Variants in AGRN observed in about 807,000 individuals in gnomAD.
AGRN encodes agrin proteoglycan.
In AGRN, 106 loss-of-function variants were observed where a neutral mutation model predicts 211.0. That is an observed-to-expected ratio of 0.50 (90% confidence interval 0.43 to 0.59). The LOEUF is 0.59. Among genes scored for constraint, AGRN ranks in the 20% least tolerant of loss-of-function variants. The pLI is 0.00. For synonymous variants in AGRN, 1,525 were observed against 1,332.5 expected, an observed-to-expected ratio of 1.14 and a Z score of -3.15; for missense variants, 3,040 against 2,982.6, an observed-to-expected ratio of 1.02 and a Z score of -0.45.
At chr1:1,043,181 C>T in intron 7 of AGRN, 58 bp from the exon 8 acceptor site, 1 of 1,541,740 alleles carries the variant, frequency 6.5e-7, no homozygotes, top group Non-Finnish European at 8.8e-7. Flanking sequence ...GGGCTGGGGG[C>T]TTTGCCTGCA....
chr1:1,043,735 G>C lies in AGRN; in HGVS notation c.1798+3G>C, dbSNP rs901890073. On this transcript the variant is annotated splice_donor_region_variant and intron_variant, in intron 9 of 35. Coordinates refer to ENST00000379370, the MANE Select transcript of AGRN (RefSeq NM_198576.4). ...CGTGGCCTCAGCTGGACCCTGTGGT[G>C]AGTGAGGCCCTGGGGCCGGGCGGGC... 2.0e-5 allele frequency: 32 copies of C among 1,601,330 alleles called. No individual in the cohort carries two copies. Among genetic ancestry groups the C allele is most frequent in the Non-Finnish European group, 2.7e-5 (32 of 1,179,772 alleles).
In AGRN at chr1:1,055,155, G is replaced by A; in HGVS notation, c.*174G>A. On this transcript the variant is annotated 3_prime_UTR_variant, in exon 36 of 36. Coordinates refer to ENST00000379370, the MANE Select transcript of AGRN (RefSeq NM_198576.4). The stretch of plus-strand genomic sequence containing the variant: ...CTAGTGCCGAGGGATGGACAGGCGA[G>A]GTGGCAGCGTGGAGGGCTCGGCGTG... 1.8e-6 allele frequency: 2 copies of A among 1,083,766 alleles called. No homozygotes were observed. Among genetic ancestry groups the A allele is most frequent in the Non-Finnish European group, 1.3e-6 (1 of 751,196 alleles). 67.1% of individuals were successfully genotyped at this position (1,083,766 alleles called of 1,614,324 possible). A position where few individuals can be genotyped will look rare whatever the true frequency, so the allele number is the denominator to read the frequency against.
In AGRN at chr1:1,054,955, G is replaced by T; in HGVS notation, c.6112G>T (p.Glu2038Ter). Residue 2038 changes from glutamate to a stop codon, truncating the protein, a stop_gained, in exon 36 of 36, where the codon GAG (glutamate) becomes TAG (stop). Coordinates refer to ENST00000379370, the MANE Select transcript of AGRN (RefSeq NM_198576.4). LOFTEE classifies it high-confidence loss of function. ...GCTGGAGGACGCCGTCACCAAGCCAGAGCTGCGGCCCTGCCCCACCCCATG... is the reference window on the plus strand; with the variant it reads ...GCTGGAGGACGCCGTCACCAAGCCATAGCTGCGGCCCTGCCCCACCCCATG... The part of the protein sequence containing the change: ...HLLEDAVTKP[E>*]LRPCPTP The T allele has an allele frequency of 6.5e-7, 1 of 1,549,070 alleles. No individual in the cohort carries two copies. Among genetic ancestry groups the T allele is most frequent in the Non-Finnish European group, 8.7e-7 (1 of 1,147,138 alleles).
intron 2 of AGRN, among the ~76,000 whole-genome samples, chr1:1,027,146 C>G (rs115263399): frequency 0.016 from 2,392 of 152,340 alleles, 54 homozygotes; most frequent in African/African-American, 0.055. Flanking sequence ...CTCCTGCAGT[C>G]CCCCCACGGA....
intron 33 of AGRN, chr1:1,053,476 T>G: frequency 2.0e-6 from 3 of 1,490,116 alleles, no homozygotes; most frequent in Non-Finnish European, 1.8e-6. Flanking sequence ...AAACTCTGGA[T>G]TCCGGGGCCC....
rs567124206 is a variant in AGRN, at chr1:1,028,444, G to A, written c.463+5982G>A. On this transcript the variant is annotated intron_variant, in intron 2 of 35. Transcript: ENST00000379370. The stretch of plus-strand genomic sequence containing the variant: ...GCGTTTGGGTGGACCGGAAGTCAGC[G>A]TCTGCATTCGAGCCTGTGTGCGGTG... 1.4e-3 allele frequency among the ~76,000 whole-genome samples: 209 copies of A among 152,068 alleles called. 1 individual carries two copies. Among genetic ancestry groups the A allele is most frequent in the African/African-American group, 4.9e-3 (203 of 41,462 alleles).
chr1:1,044,164 G>A lies in AGRN; in HGVS notation c.2055G>A (p.Glu685=). The A allele has an allele frequency of 6.2e-7, 1 of 1,613,296 alleles. No individual in the cohort carries two copies. Among genetic ancestry groups the A allele is most frequent in the African/African-American group, 1.3e-5 (1 of 75,040 alleles). The change falls in exon 11 of 36, where the codon GAG becomes GAA. Residue 685 remains glutamate (E), a synonymous_variant. Transcript: ENST00000379370. ...GSGEDGDCEQ[E]LCRQRGGIWD... ...GGGAGGACGGTGACTGTGAGCAGGA[G>A]CTGTGCCGGCAGCGCGGTGGCATCT... is the stretch of plus-strand genomic sequence containing the variant.
rs200116641 is a variant in AGRN at position 1,031,087 on chromosome 1, TTGTGTG to T, written c.464-4179_464-4174del. 1.1e-4 allele frequency among the ~76,000 whole-genome samples: 7 copies of T among 64,512 alleles called. No individual in the cohort carries two copies. In the South Asian group the frequency reaches 3.4e-3, roughly 31 times the overall value. 42.3% of individuals were successfully genotyped at this position (64,512 alleles called of 152,430 possible). On this transcript the variant is annotated intron_variant, in intron 2 of 35. Transcript: ENST00000379370. This position sits in a 1 kb window ranked among gnomAD's most constrained non-coding sequence, Gnocchi z 4.8. ...GCAGTGCATGGTGCTGTGAGTGTGATTGTGTGTGTGTGTGTGCGGTGCATGGTGCTG... is the reference window on the plus strand; with the variant it reads ...GCAGTGCATGGTGCTGTGAGTGTGATTGTGTGTGTGCGGTGCATGGTGCTG...
intron 2 of AGRN, among the ~76,000 whole-genome samples, chr1:1,023,168 G>A (rs895344943): frequency 1.3e-5 from 2 of 152,208 alleles, no homozygotes; most frequent in South Asian, 2.1e-4. Flanking sequence ...GTGTCGGTGG[G>A]GGGGTCTGGA....
rs999985035 is a variant in AGRN at position 1,050,720 on chromosome 1, C to T, written c.5142-6C>T. ...AGAGCCCACTCACGCTGCCCCTCCT[C>T]ACCAGGAGCAGGGAGCCAGTCACCC... On this transcript the variant is annotated splice_region_variant and splice_polypyrimidine_tract_variant and intron_variant, in intron 29 of 35. Coordinates refer to ENST00000379370, the MANE Select transcript of AGRN (RefSeq NM_198576.4). The T allele has an allele frequency of 6.2e-7, 1 of 1,600,982 alleles. No individual in the cohort carries two copies. Among genetic ancestry groups the T allele is most frequent in the African/African-American group, 1.3e-5 (1 of 74,838 alleles).
intron 15 of AGRN, 27 bp from the exon 16 acceptor site, chr1:1,045,937 C>G: frequency 6.2e-7 from 1 of 1,612,614 alleles, no homozygotes; most frequent in Non-Finnish European, 8.5e-7. Flanking sequence ...ACCCGAGCCA[C>G]AGAGGTTTCC....
At position 1,035,235 on chromosome 1, in the gene AGRN, C is replaced by A. The variant is rs770491815; in HGVS notation, c.464-42C>A. On this transcript the variant is annotated intron_variant, in intron 2 of 35. Coordinates refer to ENST00000379370, the MANE Select transcript of AGRN (RefSeq NM_198576.4). ...GGCAAAGGGATGGGACAGGGAGGAG[C>A]CTGCTCAGAGGAGCCTAACTTGGGG... The A allele has an allele frequency of 4.3e-6, 7 of 1,609,414 alleles. No individual in the cohort carries two copies. The South Asian group carries it at 6.6e-5, about 15-fold the overall frequency.
chr1:1,051,555 C>T lies in AGRN; in HGVS notation c.5473C>T (p.Pro1825Ser). The T allele has an allele frequency of 3.8e-6, 6 of 1,581,452 alleles. No individual in the cohort carries two copies. Among genetic ancestry groups the T allele is most frequent in the Middle Eastern group, 1.7e-4 (1 of 5,924 alleles). Residue 1825 changes from proline (P) to serine (S), a missense_variant, in exon 32 of 36, where the codon CCC (proline) becomes TCC (serine). Physicochemically the swap from Pro to Ser is moderately conservative, Grantham distance 74. Transcript: ENST00000379370. Reference sequence around the variant, plus strand: ...CCCCTGCACCCGGGCCTCAGGCCACCCCTGCCTCAATGGGGCCTCCTGCGT... The same window carrying T: ...CCCCTGCACCCGGGCCTCAGGCCACTCCTGCCTCAATGGGGCCTCCTGCGT... Reference protein sequence around the residue: ...GHPCTRASGHPCLNGASCVPR... With the variant: ...GHPCTRASGHSCLNGASCVPR...
intron 7 of AGRN, among the ~76,000 whole-genome samples, chr1:1,042,666 C>T (rs9331225): frequency 0.022 from 3,402 of 152,292 alleles, 83 homozygotes; most frequent in African/African-American, 0.063. Flanking sequence ...TCTTCCCTGT[C>T]GGCTCCGCCT....
chr1:1,023,883 G>A (rs1644463592), intron 2 of AGRN, among the ~76,000 whole-genome samples: 1 of 152,208 alleles, frequency 6.6e-6, no homozygotes, highest in Admixed American at 6.5e-5. Flanking sequence ...GTGTGGCTTA[G>A]CCCAGCTGTG....
At chr1:1,020,891 C>T (rs1644387024) in intron 1 of AGRN, among the ~76,000 whole-genome samples, 1 of 149,448 alleles carries the variant, frequency 6.7e-6, no homozygotes, top group Admixed American at 6.7e-5. Flanking sequence ...GGGGCCGTCA[C>T]CGGGCCTCGT....
rs758428644 is a variant in AGRN, at chr1:1,046,602, G to C, written c.3117G>C (p.Leu1039=). The change falls in exon 18 of 36, where the codon CTG becomes CTC. Residue 1039 remains leucine, a synonymous_variant. Transcript: ENST00000379370. ...SVPRTTVWPV[L]TVPPTAPSPA... is the part of the protein sequence containing the mutation. ...CCAGGACCACCGTGTGGCCCGTGCTGACGGTGCCCCCCACGGCACCCTCCC... is the reference window on the plus strand; with the variant it reads ...CCAGGACCACCGTGTGGCCCGTGCTCACGGTGCCCCCCACGGCACCCTCCC... 3 of 1,605,346 alleles carry C rather than the reference G, an allele frequency of 1.9e-6. No individual in the cohort carries two copies. Among genetic ancestry groups the C allele is most frequent in the Non-Finnish European group, 2.5e-6 (3 of 1,179,548 alleles).
chr1:1,023,912 C>T (rs951727155), intron 2 of AGRN, among the ~76,000 whole-genome samples: 14 of 152,118 alleles, frequency 9.2e-5, no homozygotes, highest in African/African-American at 2.4e-4. Flanking sequence ...CACTCAGGGA[C>T]GAGCTCCAGG....
In AGRN at chr1:1,022,305, C is replaced by T. The variant is rs761093589; in HGVS notation, c.306C>T (p.Ile102=). 1 of 1,613,392 alleles carries T rather than the reference C, an allele frequency of 6.2e-7. No homozygotes were observed. The highest frequency in any genetic ancestry group is 8.5e-7 in the Non-Finnish European group (1 of 1,180,024). ...VVISGFGDPL[I]CDNQVSTGDT... ...TCAGCGGCTTTGGAGACCCCCTCAT[C>T]TGTGACAACCAGGTGTCCACTGGGG... The change falls in exon 2 of 36, where the codon ATC becomes ATT. Residue 102 remains isoleucine (I), a synonymous_variant. Coordinates refer to ENST00000379370, the MANE Select transcript of AGRN (RefSeq NM_198576.4).
Sources: gnomAD v4.1 joint callset for allele counts (sites outside exome capture counted in the v4.1 genomes callset) on GRCh38, gnomAD v4.1.1 for gene constraint, Gnocchi (gnomAD v3.1) non-coding constraint, MANE v1.5 for transcripts, NCBI Gene and HGNC (gene_info 2026-07-23, HGNC 2026-07-21) for gene names.